ITGA8: variants seen among roughly 807,000 people sequenced by gnomAD.
ITGA8 encodes the protein integrin subunit alpha 8.
Under a neutral mutation model 142.3 loss-of-function variants are expected in ITGA8, and 91 were observed. That is an observed-to-expected ratio of 0.64 (90% CI 0.54 to 0.76). The LOEUF is 0.76. Among genes scored for constraint, ITGA8 ranks in the 30% least tolerant of loss-of-function variants. The pLI is 0.00. For missense variants in ITGA8, 1,406 were observed against 1,327.7 expected, an observed-to-expected ratio of 1.06 and a Z score of -0.92; for synonymous variants, 505 against 485.2, an observed-to-expected ratio of 1.04 and a Z score of -0.54.
chr10:15,564,828 C>T (rs1336294490), intron 25 of ITGA8, among the ~76,000 whole-genome samples: 1 of 152,238 alleles, frequency 6.6e-6, no homozygotes, highest in Non-Finnish European at 1.5e-5. Context: ...CAAGAAACAA[C>T]AGACAACTCT....
intron 15 of ITGA8, among the ~76,000 whole-genome samples, chr10:15,610,125 T>C (rs139946671): frequency 4.6e-5 from 7 of 152,152 alleles, no homozygotes; most frequent in African/African-American, 1.7e-4. Context: ...ACTGCTACAA[T>C]GTACTGAATT....
Position 15,718,911 on chromosome 10 carries a change from T to C in ITGA8, c.210-12A>G, listed in dbSNP as rs1835504793. On this transcript the variant is annotated splice_polypyrimidine_tract_variant and intron_variant, in intron 1 of 29. Transcript: ENST00000378076. ...CCAAGACACTCGCTCTGCAAAAGAG[T>C]TGGAGAAAGTCACTCTTTGGGCGCC... The C allele has an allele frequency of 6.2e-7, 1 of 1,612,032 alleles. No homozygotes were observed. Among genetic ancestry groups the C allele is most frequent in the East Asian group, 2.2e-5 (1 of 44,732 alleles).
rs11815926 is a variant in ITGA8, at chr10:15,629,477, C to T, written c.1400-12918G>A. On this transcript the variant is annotated intron_variant, in intron 13 of 29. Transcript: ENST00000378076. ...GCAGGCTCCCTGCATTTTTCCTCTG[C>T]CCCACTTGTCTATGTCATCTTATGT... Among the ~76,000 whole-genome samples the T allele has an allele frequency of 5.9e-3, 892 of 152,132 alleles. 21 individuals are homozygous for T. The highest frequency in any genetic ancestry group is 0.021 in the African/African-American group (862 of 41,400).
intron 23 of ITGA8, among the ~76,000 whole-genome samples, chr10:15,584,026 A>G (rs1208177108): frequency 6.6e-6 from 1 of 152,136 alleles, no homozygotes; most frequent in Non-Finnish European, 1.5e-5. Flanking sequence ...GCTGGGTGTG[A>G]TGGCTCATGC....
At chr10:15,520,890 G>A (rs941792662) in intron 28 of ITGA8, among the ~76,000 whole-genome samples, 7 of 152,222 alleles carry the variant, frequency 4.6e-5, no homozygotes, top group African/African-American at 1.7e-4. Flanking sequence ...GAGAGGCTGA[G>A]ACTAATGACT....
chr10:15,681,833 T>C (rs887554287), intron 4 of ITGA8, among the ~76,000 whole-genome samples: 7 of 152,218 alleles, frequency 4.6e-5, no homozygotes, highest in Admixed American at 3.3e-4. Flanking sequence ...AATCATGGAG[T>C]ATAGGATATG....
intron 25 of ITGA8, among the ~76,000 whole-genome samples, chr10:15,558,419 A>G (rs1177957404): frequency 6.6e-6 from 1 of 152,224 alleles, no homozygotes; most frequent in Non-Finnish European, 1.5e-5. Context: ...TTCACGAAGC[A>G]TGGGGAATGC....
intron 2 of ITGA8, among the ~76,000 whole-genome samples, chr10:15,713,404 A>G (rs1835396138): frequency 6.6e-6 from 1 of 152,164 alleles, no homozygotes; most frequent in South Asian, 2.1e-4. Flanking sequence ...AGAGGAGGTT[A>G]TCTTTGGGCT....
intron 2 of ITGA8, among the ~76,000 whole-genome samples, chr10:15,713,654 G>A (rs1199012205): frequency 1.3e-5 from 2 of 151,938 alleles, no homozygotes; most frequent in African/African-American, 2.4e-5. Context: ...AGGGCACACC[G>A]AACACTATAA....
intron 13 of ITGA8, among the ~76,000 whole-genome samples, chr10:15,640,914 C>T (rs1833859474): frequency 6.6e-6 from 1 of 152,182 alleles, no homozygotes; most frequent in Non-Finnish European, 1.5e-5. Context: ...CCAAAGGCCA[C>T]AAGGGACTGA....
intron 4 of ITGA8, among the ~76,000 whole-genome samples, chr10:15,679,706 GTAGTGGCT>G (rs1834700044): frequency 6.6e-6 from 1 of 152,206 alleles, no homozygotes; most frequent in Non-Finnish European, 1.5e-5. Flanking sequence ...GAAAATTCTA[GTAGTGGCT>G]TATCTTGCTT....
At chr10:15,600,872 A>G (rs895091819) in intron 20 of ITGA8, among the ~76,000 whole-genome samples, 5 of 152,170 alleles carry the variant, frequency 3.3e-5, no homozygotes, top group Non-Finnish European at 7.3e-5. Flanking sequence ...TGCTACTGTC[A>G]TCACCCTCAT....
intron 25 of ITGA8, among the ~76,000 whole-genome samples, chr10:15,563,267 T>C (rs1000401840): frequency 2.0e-5 from 3 of 152,230 alleles, no homozygotes; most frequent in Non-Finnish European, 2.9e-5. Flanking sequence ...CAGGCAAGAA[T>C]GGCCTAATAC....
chr10:15,702,230 A>C (rs1377622080), intron 2 of ITGA8, among the ~76,000 whole-genome samples: 1 of 152,172 alleles, frequency 6.6e-6, no homozygotes. Context: ...CACGCACATT[A>C]AATAATTTTC....
chr10:15,644,175 T>G lies in ITGA8; in HGVS notation c.1254A>C (p.Lys418Asn). Reference protein sequence around the residue: ...VPFAGKDQRGKVLIYNGNKDG... With the variant: ...VPFAGKDQRGNVLIYNGNKDG... ...CTTTGTTCCCATTATAAATGAGCACTTTGCCTCTTTGATCCTTGCCTGCAA... is the reference window on the plus strand; with the variant it reads ...CTTTGTTCCCATTATAAATGAGCACGTTGCCTCTTTGATCCTTGCCTGCAA... Residue 418 changes from lysine (K) to asparagine (N), a missense_variant, in exon 13 of 30, where the codon AAA (lysine) becomes AAC (asparagine). Coordinates refer to ENST00000378076, the MANE Select transcript of ITGA8 (RefSeq NM_003638.3). 6.2e-7 allele frequency: 1 copy of G among 1,614,070 alleles called. No homozygotes were observed. The highest frequency in any genetic ancestry group is 8.5e-7 in the Non-Finnish European group (1 of 1,179,992).
At chr10:15,633,782 C>T (rs929587340) in intron 13 of ITGA8, among the ~76,000 whole-genome samples, 5 of 151,958 alleles carry the variant, frequency 3.3e-5, no homozygotes, top group African/African-American at 9.7e-5. Flanking sequence ...ATCCCTTTTC[C>T]CCCCCTCACT....
At chr10:15,613,895 A>C in intron 14 of ITGA8, 128 bp from the exon 15 acceptor site, 2 of 640,978 alleles carry the variant, frequency 3.1e-6, no homozygotes, top group Non-Finnish European at 2.7e-6. Flanking sequence ...CAACGTTCTC[A>C]GCATTTGTGC....
At chr10:15,588,948 C>T (rs754754258) in intron 22 of ITGA8, among the ~76,000 whole-genome samples, 4 of 152,194 alleles carry the variant, frequency 2.6e-5, no homozygotes, top group African/African-American at 7.2e-5. Context: ...TGCATACTAG[C>T]GGTGTCAGCA....
chr10:15,604,357 T>TA lies in ITGA8; in HGVS notation c.1971-3dup. 6.2e-7 allele frequency: 1 copy of TA among 1,603,820 alleles called. No individual in the cohort carries two copies. Among genetic ancestry groups the TA allele is most frequent in the Non-Finnish European group, 8.5e-7 (1 of 1,176,236 alleles). ...CCAATGATTACCTGATGCTTATCTCTAAAAATGCAGTTTAAAAAGAAGGAT... is the reference window on the plus strand; with the variant it reads ...CCAATGATTACCTGATGCTTATCTCTAAAAAATGCAGTTTAAAAAGAAGGAT... On this transcript the variant is annotated splice_region_variant and splice_polypyrimidine_tract_variant and intron_variant, in intron 19 of 29. Coordinates refer to ENST00000378076, the MANE Select transcript of ITGA8 (RefSeq NM_003638.3).
Sources: gnomAD v4.1 joint callset for allele counts (sites outside exome capture counted in the v4.1 genomes callset) on GRCh38, gnomAD v4.1.1 for gene constraint, MANE v1.5 for transcripts, NCBI Gene and HGNC (gene_info 2026-07-23, HGNC 2026-07-21) for gene names.